The following SHROOM3 variants were observed in gnomAD, a reference collection of about 807,000 sequenced individuals.
SHROOM3 encodes the protein protein Shroom3.
A neutral mutation model predicts 138.6 loss-of-function variants in SHROOM3; 47 were observed. The observed-to-expected ratio is 0.34, with a 90% CI of 0.27 to 0.43. The LOEUF (loss-of-function observed/expected upper bound fraction) is 0.43, where lower values mean the gene tolerates loss of function less well. Ranked by LOEUF, SHROOM3 falls within the 20% of genes least tolerant of loss-of-function variation. SHROOM3 has a pLI of 1.00. For synonymous variants in SHROOM3, 1,062 were observed against 1,063.3 expected (o/e 1.00, Z 0.02); for missense variants, 2,491 against 2,596.5 (o/e 0.96, Z 0.88).
intron 2 of SHROOM3, among the ~76,000 whole-genome samples, chr4:76,654,201 T>C (rs1736018334): frequency 6.6e-6 from 1 of 152,092 alleles, no homozygotes; most frequent in Non-Finnish European, 1.5e-5. Context: ...GTGTTGCAGT[T>C]AACGTCGAAG....
At chr4:76,605,361 G>A (rs1734592025) in intron 2 of SHROOM3, among the ~76,000 whole-genome samples, 1 of 152,118 alleles carries the variant, frequency 6.6e-6, no homozygotes, top group East Asian at 1.9e-4. Flanking sequence ...GCATTCTAGT[G>A]GGAGAGAACA....
intron 2 of SHROOM3, among the ~76,000 whole-genome samples, chr4:76,703,420 A>G (rs1719959066): frequency 6.6e-6 from 1 of 152,132 alleles, no homozygotes; most frequent in Non-Finnish European, 1.5e-5. Flanking sequence ...TTTTAAAGAA[A>G]GGGTAATTCA....
chr4:76,743,318 T>G (rs556866756), intron 5 of SHROOM3, among the ~76,000 whole-genome samples: 19 of 152,326 alleles, frequency 1.2e-4, no homozygotes, highest in African/African-American at 4.6e-4. Flanking sequence ...GTCAGATGCT[T>G]ATAGGGCAGG....
chr4:76,646,224 A>AT (rs368968214), intron 2 of SHROOM3, among the ~76,000 whole-genome samples: 23 of 102,408 alleles, frequency 2.2e-4, no homozygotes, highest in African/African-American at 1.0e-3. Context: ...TATAATAAAT[A>AT]AATATATATA....
At chr4:76,461,784 G>A (rs148616901) in intron 1 of SHROOM3, among the ~76,000 whole-genome samples, 2 of 152,292 alleles carry the variant, frequency 1.3e-5, no homozygotes, top group African/African-American at 2.4e-5. Flanking sequence ...TACTTGTATT[G>A]CTTTGCTCAA....
At chr4:76,597,750 C>A (rs1328411609) in intron 2 of SHROOM3, among the ~76,000 whole-genome samples, 3 of 152,132 alleles carry the variant, frequency 2.0e-5, no homozygotes, top group African/African-American at 7.2e-5. Flanking sequence ...TGGCTTCTAG[C>A]GATCTGAGTA....
intron 1 of SHROOM3, among the ~76,000 whole-genome samples, chr4:76,502,740 T>C (rs1381609463): frequency 6.6e-6 from 1 of 152,280 alleles, no homozygotes; most frequent in Non-Finnish European, 1.5e-5. Context: ...TGTTTTCCTG[T>C]GCTTTATTCT....
At chr4:76,554,126 T>G (rs934848152) in intron 1 of SHROOM3, among the ~76,000 whole-genome samples, 1 of 152,244 alleles carries the variant, frequency 6.6e-6, no homozygotes, top group East Asian at 1.9e-4. Flanking sequence ...ACCCTTCCCT[T>G]TAACCTCAGC....
At chr4:76,657,187 CTCGCTCTCTCTCTCTCTA>C (rs1212860228) in intron 2 of SHROOM3, among the ~76,000 whole-genome samples, 2 of 149,854 alleles carry the variant, frequency 1.3e-5, no homozygotes, top group African/African-American at 5.0e-5. Flanking sequence ...CTCTCTCTCT[CTCGCTCTCTCTCTCTCTA>C]TATATATATA....
At chr4:76,635,518 G>C (rs904880530) in intron 2 of SHROOM3, among the ~76,000 whole-genome samples, 1 of 152,216 alleles carries the variant, frequency 6.6e-6, no homozygotes, top group African/African-American at 2.4e-5. Flanking sequence ...TGGAGGGACA[G>C]CCAGACCTAC....
intron 1 of SHROOM3, among the ~76,000 whole-genome samples, chr4:76,537,354 G>T (rs1732974556): frequency 6.6e-6 from 1 of 152,150 alleles, no homozygotes; most frequent in Non-Finnish European, 1.5e-5. Context: ...TGATTGCCTA[G>T]GGCCTTGAAG....
chr4:76,742,643 T>C lies in SHROOM3; in HGVS notation c.3753+717T>C, dbSNP rs758440472. On this transcript the variant is annotated intron_variant, in intron 5 of 10. Transcript: ENST00000296043. ...GCAAGGATTATAAAGTACTTTCCCC[T>C]GAAAATTTTAAGCAGTGCTGGGAAT... is the stretch of plus-strand genomic sequence containing the variant. Among the ~76,000 whole-genome samples, 9 of 152,334 alleles carry C rather than the reference T, an allele frequency of 5.9e-5. No homozygotes were observed. The South Asian group carries it at 8.3e-4, about 14-fold the overall frequency.
chr4:76,764,748 GTGT>G (rs960877848), intron 9 of SHROOM3, among the ~76,000 whole-genome samples: 45 of 152,302 alleles, frequency 3.0e-4, no homozygotes, highest in African/African-American at 9.9e-4. Context: ...TGTATGCAAT[GTGT>G]TGTTTTCCTC....
intron 1 of SHROOM3, among the ~76,000 whole-genome samples, chr4:76,482,408 G>A (rs1304737899): frequency 4.6e-5 from 7 of 152,084 alleles, no homozygotes; most frequent in Non-Finnish European, 8.8e-5. Flanking sequence ...ATTCACAATT[G>A]CTACAAATAG....
chr4:76,606,007 ATTTT>A (rs1164704632), intron 2 of SHROOM3, among the ~76,000 whole-genome samples: 128 of 77,796 alleles, frequency 1.6e-3, no homozygotes, highest in African/African-American at 6.1e-3. Flanking sequence ...ATATATATAT[ATTTT>A]TTTTTTTTTT....
At position 76,589,335 on chromosome 4, in the gene SHROOM3, C is replaced by T. The variant is rs527469458; in HGVS notation, c.323+33572C>T. 1.2e-3 allele frequency among the ~76,000 whole-genome samples: 176 copies of T among 152,214 alleles called. 1 individual carries two copies. Among genetic ancestry groups the T allele is most frequent in the African/African-American group, 4.0e-3 (167 of 41,544 alleles). The stretch of plus-strand genomic sequence containing the variant: ...ATACAAAATTAGCCAGGCTTGGTGG[C>T]GCATGCCTGTAATCCCAGCTAATCG... On this transcript the variant is annotated intron_variant, in intron 2 of 10. Transcript: ENST00000296043.
chr4:76,646,421 C>A (rs1217557273), intron 2 of SHROOM3, among the ~76,000 whole-genome samples: 1 of 151,652 alleles, frequency 6.6e-6, no homozygotes, highest in Non-Finnish European at 1.5e-5. Flanking sequence ...CATTTCCTTG[C>A]CAAATTGTTT....
intron 2 of SHROOM3, chr4:76,689,051 C>A: frequency 1.6e-6 from 1 of 608,346 alleles, no homozygotes; most frequent in Non-Finnish European, 2.1e-6. Context: ...CTCTGAAAAG[C>A]GAGCGCGGGC....
At chr4:76,531,341 A>C (rs910459381) in intron 1 of SHROOM3, among the ~76,000 whole-genome samples, 7 of 152,206 alleles carry the variant, frequency 4.6e-5, no homozygotes, top group African/African-American at 1.7e-4. Flanking sequence ...ACACAAATTG[A>C]TGGTGCCCCT....
Sources: allele counts gnomAD v4.1 joint callset (sites outside exome capture counted in the v4.1 genomes callset), GRCh38; gene constraint gnomAD v4.1.1; transcripts MANE v1.5; gene names NCBI Gene and HGNC (gene_info 2026-07-23, HGNC 2026-07-21).